The following CTNNA2 variants were observed in gnomAD, a reference collection of about 807,000 sequenced individuals.
CTNNA2 encodes the protein catenin alpha-2.
A neutral mutation model predicts 101.0 loss-of-function variants in CTNNA2; 42 were observed. That is an observed-to-expected ratio of 0.42 (90% CI 0.32 to 0.54). The LOEUF is 0.54. Among genes scored for constraint, CTNNA2 ranks in the 20% least tolerant of loss-of-function variants. The probability of loss-of-function intolerance (pLI) is 0.14; values close to 1 mark genes in which losing one functional copy is unlikely to be tolerated. For synonymous variants in CTNNA2, 450 were observed against 456.4 expected (o/e 0.99, Z 0.18); for missense variants, 871 against 1,223.1 (o/e 0.71, Z 4.29).
chr2:79,217,040 A>G (rs1415926700), intron 2 of CTNNA2, among the ~76,000 whole-genome samples: 2 of 152,192 alleles, frequency 1.3e-5, no homozygotes, highest in African/African-American at 2.4e-5. Context: ...TCTACCAGAA[A>G]ATGAAAGGAA....
Position 79,787,380 on chromosome 2 carries a change from T to C in CTNNA2, c.298+42798T>C, listed in dbSNP as rs184934567. ...AGCTGAGACTTTTTGTAATACATAA[T>C]GCAGAAGACACAGGGAGGAGTAGTA... On this transcript the variant is annotated intron_variant, in intron 3 of 18. Transcript: ENST00000402739. Among the ~76,000 whole-genome samples, 55 of 151,326 alleles carry C rather than the reference T, an allele frequency of 3.6e-4. 1 individual carries two copies. The East Asian group carries it at 8.2e-3, about 23-fold the overall frequency.
At chr2:79,856,554 C>T (rs994860557) in intron 3 of CTNNA2, among the ~76,000 whole-genome samples, 7 of 152,184 alleles carry the variant, frequency 4.6e-5, no homozygotes, top group African/African-American at 1.7e-4. Flanking sequence ...TTTTATACCC[C>T]TGTGTACACT....
At chr2:79,881,861 G>T (rs1407069469) in intron 6 of CTNNA2, among the ~76,000 whole-genome samples, 1 of 148,888 alleles carries the variant, frequency 6.7e-6, no homozygotes, top group South Asian at 2.2e-4. Flanking sequence ...GATGGTATTT[G>T]GTTCTTTTGC....
At chr2:79,282,288 G>C (rs1285284127) in intron 2 of CTNNA2, among the ~76,000 whole-genome samples, 1 of 151,602 alleles carries the variant, frequency 6.6e-6, no homozygotes, top group Non-Finnish European at 1.5e-5. Flanking sequence ...TTAAGTTTTA[G>C]GGTACCTGTG....
intron 17 of CTNNA2, among the ~76,000 whole-genome samples, chr2:80,615,979 C>A (rs1698818653): frequency 6.6e-6 from 1 of 151,680 alleles, no homozygotes; most frequent in African/African-American, 2.4e-5. Context: ...TTCTTGAAGG[C>A]AAGCTTTCTT....
intron 7 of CTNNA2, among the ~76,000 whole-genome samples, chr2:80,146,710 GTTTTTTTTTT>G (rs34019123): frequency 2.8e-4 from 17 of 61,762 alleles, no homozygotes; most frequent in Non-Finnish European, 4.0e-4. Context: ...GTCCCCTCTG[GTTTTTTTTTT>G]TTTTTTTTTT....
At chr2:80,406,683 C>A (rs1422290363) in intron 8 of CTNNA2, among the ~76,000 whole-genome samples, 1 of 151,496 alleles carries the variant, frequency 6.6e-6, no homozygotes, top group African/African-American at 2.4e-5. Context: ...AAAAATTAGC[C>A]GGGTGTGGTG....
At chr2:79,274,340 A>C (rs1481822193) in intron 2 of CTNNA2, among the ~76,000 whole-genome samples, 1 of 152,070 alleles carries the variant, frequency 6.6e-6, no homozygotes, top group Non-Finnish European at 1.5e-5. Context: ...GTTTGATGCC[A>C]GTGGGGACTT....
chr2:79,414,522 T>A (rs1049804185), intron 4 of CTNNA2, among the ~76,000 whole-genome samples: 2 of 152,278 alleles, frequency 1.3e-5, no homozygotes, highest in African/African-American at 4.8e-5. Context: ...TTCTATAGTA[T>A]AGAAAACTGT....
chr2:80,392,558 A>G (rs1210160483), intron 7 of CTNNA2, among the ~76,000 whole-genome samples: 1 of 152,126 alleles, frequency 6.6e-6, no homozygotes, highest in African/African-American at 2.4e-5. Flanking sequence ...CCAAGTGAAC[A>G]ATTTATTAAA....
intron 1 of CTNNA2, among the ~76,000 whole-genome samples, chr2:79,187,857 T>C (rs1438801224): frequency 6.6e-6 from 1 of 152,202 alleles, no homozygotes; most frequent in African/African-American, 2.4e-5. Flanking sequence ...TCAATACCAT[T>C]GTTTAAATAT....
intron 2 of CTNNA2, among the ~76,000 whole-genome samples, chr2:79,244,240 A>T (rs1007214675): frequency 6.6e-6 from 1 of 151,956 alleles, no homozygotes; most frequent in Non-Finnish European, 1.5e-5. Context: ...ATCACCCAGA[A>T]CTCCACCTGC....
At chr2:79,400,508 A>G (rs1024252980) in intron 4 of CTNNA2, among the ~76,000 whole-genome samples, 1 of 152,068 alleles carries the variant, frequency 6.6e-6, no homozygotes, top group African/African-American at 2.4e-5. Flanking sequence ...AAATTAAAAA[A>G]TTCCCTAGAG....
rs376180439 is a variant in CTNNA2, at chr2:79,735,877, C to A, written c.103-8510C>A. On this transcript the variant is annotated intron_variant, in intron 2 of 18. Transcript: ENST00000402739. ...TCAAAGACAAAGAGACAGACTAATT[C>A]TCTGGGGTTTTTTCCTCTATAAATT... Among the ~76,000 whole-genome samples, 4 of 152,240 alleles carry A rather than the reference C, an allele frequency of 2.6e-5. No homozygotes were observed. The East Asian group carries it at 7.7e-4, about 29-fold the overall frequency.
intron 7 of CTNNA2, among the ~76,000 whole-genome samples, chr2:80,021,881 C>T (rs1694588078): frequency 6.7e-6 from 1 of 149,404 alleles, no homozygotes; most frequent in Admixed American, 6.6e-5. Context: ...TTATATGTGC[C>T]ATATATCCAC....
chr2:80,029,017 CATTTGCATTCTG>C (rs1157234048), intron 7 of CTNNA2, among the ~76,000 whole-genome samples: 3 of 152,180 alleles, frequency 2.0e-5, no homozygotes, highest in Non-Finnish European at 4.4e-5. Context: ...GAGATGAATA[CATTTGCATTCTG>C]CCATTATTCT....
chr2:80,245,224 T>C (rs932570476), intron 7 of CTNNA2, among the ~76,000 whole-genome samples: 1 of 152,228 alleles, frequency 6.6e-6, no homozygotes, highest in African/African-American at 2.4e-5. Flanking sequence ...AGCTTTGTTC[T>C]TTGCAAATTC....
At chr2:80,108,584 G>T (rs575186657) in intron 7 of CTNNA2, among the ~76,000 whole-genome samples, 1 of 152,250 alleles carries the variant, frequency 6.6e-6, no homozygotes, top group South Asian at 2.1e-4. Context: ...TGTTTCATCA[G>T]ATTTTACTAA....
chr2:80,580,540 C>T (rs1235857924), intron 13 of CTNNA2, among the ~76,000 whole-genome samples: 1 of 152,106 alleles, frequency 6.6e-6, no homozygotes, highest in Non-Finnish European at 1.5e-5. Context: ...GGGCAAATGG[C>T]TTAACTTCTT....
Sources: allele counts gnomAD v4.1 joint callset (sites outside exome capture counted in the v4.1 genomes callset), GRCh38; gene constraint gnomAD v4.1.1; transcripts MANE v1.5; gene names NCBI Gene and HGNC (gene_info 2026-07-23, HGNC 2026-07-21).